The following GYS2 variants were observed in gnomAD, a reference collection of about 807,000 sequenced individuals.
GYS2 encodes glycogen synthase 2, also known as glycogen [starch] synthase, liver.
Under a neutral mutation model 85.6 loss-of-function variants are expected in GYS2, and 80 were observed. That is an observed-to-expected ratio of 0.93 (90% CI 0.78 to 1.13). The LOEUF (loss-of-function observed/expected upper bound fraction) is 1.13, where lower values mean the gene tolerates loss of function less well. Ranked by LOEUF, GYS2 falls within the 50% of genes most tolerant of loss-of-function variation. GYS2 has a pLI of 0.00. For missense variants in GYS2, 881 were observed against 854.9 expected (o/e 1.03, Z -0.38); for synonymous variants, 328 against 300.7 (o/e 1.09, Z -0.94).
intron 1 of GYS2, among the ~76,000 whole-genome samples, chr12:21,590,712 G>A (rs1284010673): frequency 6.6e-6 from 1 of 152,106 alleles, no homozygotes; most frequent in Non-Finnish European, 1.5e-5. Flanking sequence ...CAGTGCCAAT[G>A]TACACAGCCA....
In GYS2 at chr12:21,553,750, A is replaced by C. The variant is rs1421166675; in HGVS notation, c.1422+4450T>G. On this transcript the variant is annotated intron_variant, in intron 11 of 15. Transcript: ENST00000261195. ...GTGGTATGTAGTAACATTAACACTAATATATTTAAAATAAGTTAACAGTAA... is the reference window on the plus strand; with the variant it reads ...GTGGTATGTAGTAACATTAACACTACTATATTTAAAATAAGTTAACAGTAA... Among the ~76,000 whole-genome samples the C allele has an allele frequency of 2.0e-5, 3 of 152,022 alleles. No homozygotes were observed. The East Asian group carries it at 5.8e-4, about 29-fold the overall frequency.
At chr12:21,586,459 CT>C (rs796407351) in intron 1 of GYS2, among the ~76,000 whole-genome samples, 4 of 150,736 alleles carry the variant, frequency 2.7e-5, no homozygotes, top group South Asian at 2.1e-4. Context: ...ATCTATCTAT[CT>C]ATCTCCTATT....
At chr12:21,590,048 C>G (rs762218279) in intron 1 of GYS2, among the ~76,000 whole-genome samples, 11 of 152,136 alleles carry the variant, frequency 7.2e-5, no homozygotes, top group Non-Finnish European at 1.5e-4. Flanking sequence ...GGCTGCTACA[C>G]ATTTATAAGC....
In GYS2 at chr12:21,563,024, T is replaced by G; in HGVS notation, c.956A>C (p.Asp319Ala). The change falls in exon 7 of 16, where the codon GAT becomes GCT. Residue 319 changes from aspartate to alanine, a missense_variant. Coordinates refer to ENST00000261195, the MANE Select transcript of GYS2 (RefSeq NM_021957.4). ...RGHFYGHLDF[D>A]LEKTLFLFIA... The stretch of plus-strand genomic sequence containing the variant: ...GAAAAGGAACAAAGTCTTTTCAAGA[T>G]CAAAGTCGAGATGACTAAAACAAAA... The G allele has an allele frequency of 6.2e-7, 1 of 1,612,182 alleles. No individual in the cohort carries two copies. Among genetic ancestry groups the G allele is most frequent in the Non-Finnish European group, 8.5e-7 (1 of 1,178,432 alleles).
intron 3 of GYS2, 59 bp downstream of exon 3, chr12:21,575,807 T>C (rs1361931242): frequency 2.4e-5 from 31 of 1,269,588 alleles, no homozygotes; most frequent in East Asian, 4.6e-5. Context: ...GGGATCATTC[T>C]TGGGCACTGA....
intron 1 of GYS2, among the ~76,000 whole-genome samples, chr12:21,586,176 T>A (rs1011274422): frequency 1.3e-5 from 2 of 152,052 alleles, no homozygotes; most frequent in African/African-American, 4.8e-5. Flanking sequence ...CAGTTGCCAG[T>A]GTGGCCAGGA....
At chr12:21,568,741 A>G (rs1370687123) in intron 5 of GYS2, 124 bp downstream of exon 5, 2 of 825,530 alleles carry the variant, frequency 2.4e-6, no homozygotes, top group Non-Finnish European at 4.3e-6. Flanking sequence ...AAATACATAA[A>G]AAGAGCTGCG....
At chr12:21,575,039 T>TG (rs1944429536) in intron 3 of GYS2, among the ~76,000 whole-genome samples, 2 of 152,202 alleles carry the variant, frequency 1.3e-5, no homozygotes, top group African/African-American at 4.8e-5. Context: ...GCATATTTGA[T>TG]TTTGAGAAAC....
At chr12:21,584,249 T>G (rs969844715) in intron 1 of GYS2, among the ~76,000 whole-genome samples, 1 of 152,198 alleles carries the variant, frequency 6.6e-6, no homozygotes, top group African/African-American at 2.4e-5. Flanking sequence ...AAGGTTTGGC[T>G]AGATGGTCAG....
At chr12:21,558,356 T>A in intron 10 of GYS2, 43 bp from the exon 11 acceptor site, 3 of 1,237,406 alleles carry the variant, frequency 2.4e-6, no homozygotes, top group Non-Finnish European at 3.6e-6. Flanking sequence ...CGGAAAGAAT[T>A]AATAAGGGTG....
chr12:21,603,579 A>G (rs977813150), intron 1 of GYS2, among the ~76,000 whole-genome samples: 1 of 152,128 alleles, frequency 6.6e-6, no homozygotes, highest in Non-Finnish European at 1.5e-5. Flanking sequence ...GTTATATATC[A>G]CAACACATGA....
At chr12:21,540,330 A>C in intron 14 of GYS2, 80 bp downstream of exon 14, 1 of 1,151,024 alleles carries the variant, frequency 8.7e-7, no homozygotes, top group East Asian at 2.3e-5. Context: ...TTAACTTTAG[A>C]GATTATGACT....
At chr12:21,587,999 C>G (rs992178192) in intron 1 of GYS2, among the ~76,000 whole-genome samples, 1 of 152,046 alleles carries the variant, frequency 6.6e-6, no homozygotes, top group South Asian at 2.1e-4. Flanking sequence ...GGATATTTCC[C>G]GTGACAGCAC....
At chr12:21,545,169 G>A (rs1049771710) in intron 12 of GYS2, among the ~76,000 whole-genome samples, 1 of 152,198 alleles carries the variant, frequency 6.6e-6, no homozygotes, top group Non-Finnish European at 1.5e-5. Context: ...GAGGCCGGGT[G>A]TGATGGCTCA....
intron 5 of GYS2, among the ~76,000 whole-genome samples, chr12:21,565,392 TATATATATA>T (rs1944306221): frequency 1.0e-4 from 1 of 9,732 alleles, no homozygotes; most frequent in African/African-American, 1.9e-4. Flanking sequence ...ATCCATGAAA[TATATATATA>T]TATATATATA....
chr12:21,577,894 C>T (rs1421961696), intron 2 of GYS2, among the ~76,000 whole-genome samples: 1 of 152,138 alleles, frequency 6.6e-6, no homozygotes, highest in Non-Finnish European at 1.5e-5. Context: ...CCTTTCCTTG[C>T]TCAGCAAAGA....
rs1943918957 is a variant in GYS2 at position 21,537,084 on chromosome 12, T to A, written c.1982A>T (p.Asp661Val). The A allele has an allele frequency of 6.2e-7, 1 of 1,613,670 alleles. No individual in the cohort carries two copies. The highest frequency in any genetic ancestry group is 1.7e-5 in the Admixed American group (1 of 59,966). Residue 661 changes from aspartate to valine, a missense_variant, in exon 16 of 16, where the codon GAT becomes GTT. Asp to Val is a radical substitution (Grantham distance 152, BLOSUM62 -3). Transcript: ENST00000261195. ...ASSPQSSDVEDEVEDERYDEE... is the reference protein window; with the variant it reads ...ASSPQSSDVEVEVEDERYDEE... Reference sequence around the variant, plus strand: ...ATCGTATCTCTCATCCTCCACTTCATCTTCCACATCACTGCTCTGAGGACT... The same window carrying A: ...ATCGTATCTCTCATCCTCCACTTCAACTTCCACATCACTGCTCTGAGGACT...
chr12:21,583,433 A>C (rs1394113091), intron 1 of GYS2, among the ~76,000 whole-genome samples: 2 of 152,188 alleles, frequency 1.3e-5, no homozygotes, highest in African/African-American at 4.8e-5. Flanking sequence ...CCATTTATCG[A>C]GTGATCCAAA....
At chr12:21,579,471 A>G (rs1431826202) in intron 2 of GYS2, among the ~76,000 whole-genome samples, 1 of 149,656 alleles carries the variant, frequency 6.7e-6, no homozygotes, top group Non-Finnish European at 1.5e-5. Flanking sequence ...CTCCTGCCTC[A>G]GCCTCCTGAG....
Sources: gnomAD v4.1 joint callset for allele counts (sites outside exome capture counted in the v4.1 genomes callset) on GRCh38, gnomAD v4.1.1 for gene constraint, MANE v1.5 for transcripts, NCBI Gene and HGNC (gene_info 2026-07-23, HGNC 2026-07-21) for gene names.